PCDH11X: variants seen among roughly 807,000 people sequenced by gnomAD.
The protein encoded by PCDH11X is protocadherin 11 X-linked, also known as protocadherin-11 X-linked.
Under a neutral mutation model 53.3 loss-of-function variants are expected in PCDH11X, and 18 were observed. The observed-to-expected ratio is 0.34, with a 90% confidence interval of 0.23 to 0.50. PCDH11X has a LOEUF of 0.50. PCDH11X is among the 20% of genes least tolerant of loss of function. PCDH11X has a pLI of 0.98. For missense variants in PCDH11X, 570 were observed against 1,032.4 expected, an observed-to-expected ratio of 0.55 and a Z score of 6.14; for synonymous variants, 279 against 393.3, an observed-to-expected ratio of 0.71 and a Z score of 3.44.
chrX:92,601,733 AG>A (rs1360024230), intron 10 of PCDH11X, among the ~76,000 whole-genome samples: 1 of 110,453 alleles, frequency 9.1e-6, no homozygotes. Flanking sequence ...CTGCAAGAAT[AG>A]TGAGAGCCTG....
At chrX:92,228,059 A>G (rs952439957) in intron 7 of PCDH11X, among the ~76,000 whole-genome samples, 2 of 111,443 alleles carry the variant, frequency 1.8e-5, no homozygotes, top group African/African-American at 6.5e-5. Context: ...TCAAGTTTCT[A>G]TTTTTGTGTT....
At chrX:92,473,625 A>G (rs1249470176) in intron 10 of PCDH11X, among the ~76,000 whole-genome samples, 1 of 111,050 alleles carries the variant, frequency 9.0e-6, no homozygotes, top group Non-Finnish European at 1.9e-5. Flanking sequence ...GCTATATCCC[A>G]TAGGGCTCAG....
chrX:92,528,241 G>A (rs953639210), intron 10 of PCDH11X, among the ~76,000 whole-genome samples: 5 of 112,112 alleles, frequency 4.5e-5, no homozygotes, highest in African/African-American at 6.5e-5. Context: ...ACAGACATAC[G>A]CACATGTGCA....
At chrX:92,212,944 T>C (rs1375330227) in intron 7 of PCDH11X, among the ~76,000 whole-genome samples, 2 of 112,610 alleles carry the variant, frequency 1.8e-5, no homozygotes, top group East Asian at 2.8e-4. Flanking sequence ...GGAAAATGTG[T>C]ATGTTCTTTA....
Position 91,988,557 on chromosome X carries a change from C to T in PCDH11X, c.3033+109284C>T, listed in dbSNP as rs111526421. Among the ~76,000 whole-genome samples, 746 of 112,809 alleles carry T rather than the reference C, an allele frequency of 6.6e-3. 5 individuals carry two copies. The highest frequency in any genetic ancestry group is 0.023 in the African/African-American group (706 of 31,003). On this transcript the variant is annotated intron_variant, in intron 6 of 10. Transcript: ENST00000682573. ...TACCTATGATAATTATAATATGTGT[C>T]ACCTGGACCTGTATTTGTTTTAATG...
chrX:91,904,871 C>A (rs1321657282), intron 6 of PCDH11X, among the ~76,000 whole-genome samples: 1 of 109,890 alleles, frequency 9.1e-6, no homozygotes, highest in Non-Finnish European at 1.9e-5. Context: ...GCGTAATTCA[C>A]AAAGAAACAC....
intron 10 of PCDH11X, among the ~76,000 whole-genome samples, chrX:92,615,074 C>T (rs1927820685): frequency 9.0e-6 from 1 of 111,507 alleles, no homozygotes; most frequent in Admixed American, 9.5e-5. Flanking sequence ...GCTCAGGCTA[C>T]TAGTCCATGT....
intron 6 of PCDH11X, among the ~76,000 whole-genome samples, chrX:92,164,070 A>G (rs1283830664): frequency 8.9e-6 from 1 of 112,164 alleles, no homozygotes; most frequent in Non-Finnish European, 1.9e-5. Flanking sequence ...AATTTAACTG[A>G]CATTTATAGA....
chrX:92,355,210 G>T (rs1158544777), intron 8 of PCDH11X, among the ~76,000 whole-genome samples: 28 of 92,437 alleles, frequency 3.0e-4, no homozygotes, highest in African/African-American at 1.1e-3. Context: ...GGCGGATCAT[G>T]AGGTCAGGAG....
At chrX:91,796,810 T>C (rs1190193623) in intron 1 of PCDH11X, among the ~76,000 whole-genome samples, 2 of 111,558 alleles carry the variant, frequency 1.8e-5, no homozygotes, top group Non-Finnish European at 3.8e-5. Flanking sequence ...AAGTAGGAGG[T>C]AGTCTAATTA....
chrX:92,306,288 TAATCTC>T lies in PCDH11X; in HGVS notation c.3144+43148_3144+43153del, dbSNP rs1438868832. 2.2e-4 allele frequency among the ~76,000 whole-genome samples: 23 copies of T among 102,851 alleles called. No homozygotes were observed. In the East Asian group the frequency reaches 7.2e-3, roughly 32 times the overall value. 89.3% of individuals were successfully genotyped at this position (102,851 alleles called of 115,157 possible). ...TAAACAATTACATTAAAAAGAAAAA[TAATCTC>T]AAATCAACAACCTAGCTTTACATCA... On this transcript the variant is annotated intron_variant, in intron 8 of 10. Transcript: ENST00000682573.
At chrX:92,214,555 G>C (rs768844557) in intron 7 of PCDH11X, among the ~76,000 whole-genome samples, 2 of 111,902 alleles carry the variant, frequency 1.8e-5, no homozygotes, top group Non-Finnish European at 3.8e-5. Context: ...TTTCTAAAGT[G>C]AGCGTATGGG....
chrX:92,574,690 G>A (rs1922611470), intron 10 of PCDH11X, among the ~76,000 whole-genome samples: 1 of 111,120 alleles, frequency 9.0e-6, no homozygotes, highest in Admixed American at 9.6e-5. Flanking sequence ...CATATCGAGT[G>A]CACAGGCATG....
At chrX:91,799,237 T>C (rs1935845591) in intron 1 of PCDH11X, among the ~76,000 whole-genome samples, 1 of 111,029 alleles carries the variant, frequency 9.0e-6, no homozygotes, top group African/African-American at 3.3e-5. Flanking sequence ...ACAAATCTTT[T>C]TTTTCACTGA....
chrX:91,944,320 C>G lies in PCDH11X; in HGVS notation c.3033+65047C>G, dbSNP rs1453387889. Among the ~76,000 whole-genome samples the G allele has an allele frequency of 7.5e-5, 7 of 93,892 alleles. No homozygotes were observed. In the Admixed American group the frequency reaches 8.5e-4, roughly 11 times the overall value. 81.5% of individuals were successfully genotyped at this position (93,892 alleles called of 115,157 possible). A position where few individuals can be genotyped will look rare whatever the true frequency, so the allele number is the denominator to read the frequency against. On this transcript the variant is annotated intron_variant, in intron 6 of 10. Transcript: ENST00000682573. ...GGTTTCATTTTATTTGCCTATACTCCAGAAAAAAAAAAAAAACTACGTCAA... is the reference window on the plus strand; with the variant it reads ...GGTTTCATTTTATTTGCCTATACTCGAGAAAAAAAAAAAAAACTACGTCAA...
chrX:92,447,717 G>C (rs1197932842), intron 9 of PCDH11X, among the ~76,000 whole-genome samples: 1 of 112,598 alleles, frequency 8.9e-6, no homozygotes, highest in Non-Finnish European at 1.9e-5. Context: ...CCACCTAGTG[G>C]AGCTGTGAAA....
intron 7 of PCDH11X, among the ~76,000 whole-genome samples, chrX:92,219,445 C>G (rs1307739851): frequency 2.7e-5 from 3 of 110,659 alleles, no homozygotes; most frequent in Non-Finnish European, 5.7e-5. Context: ...TTCCCATTCA[C>G]AATTGCTTCA....
intron 6 of PCDH11X, among the ~76,000 whole-genome samples, chrX:92,048,165 A>T (rs2063318248): frequency 9.2e-6 from 1 of 108,391 alleles, no homozygotes; most frequent in African/African-American, 3.4e-5. Flanking sequence ...TGGAGAAGAC[A>T]TGATCTTCCA....
At chrX:92,522,801 G>A (rs1010840912) in intron 10 of PCDH11X, among the ~76,000 whole-genome samples, 29 of 112,382 alleles carry the variant, frequency 2.6e-4, no homozygotes, top group Non-Finnish European at 4.1e-4. Flanking sequence ...AAATATTGTG[G>A]TGAGAGAGTT....
Sources: gnomAD v4.1 joint callset for allele counts (sites outside exome capture counted in the v4.1 genomes callset) on GRCh38, gnomAD v4.1.1 for gene constraint, MANE v1.5 for transcripts, NCBI Gene and HGNC (gene_info 2026-07-23, HGNC 2026-07-21) for gene names.